Variants in IQSEC1 observed in about 807,000 individuals in gnomAD.
IQSEC1 encodes the protein IQ motif and Sec7 domain ArfGEF 1.
IQSEC1 carries 31 observed loss-of-function variants against 91.0 expected under a neutral mutation model. The ratio of observed to expected loss-of-function variants is 0.34; its 90% CI spans 0.26 to 0.46. The LOEUF (loss-of-function observed/expected upper bound fraction) is 0.46. Ranked by LOEUF, IQSEC1 falls within the 20% of genes least tolerant of loss-of-function variation. IQSEC1 has a pLI of 1.00. For synonymous variants in IQSEC1, 699 were observed against 662.6 expected, an observed-to-expected ratio of 1.05 and a Z score of -0.84; for missense variants, 1,388 against 1,575.6, an observed-to-expected ratio of 0.88 and a Z score of 2.02.
intron 1 of IQSEC1, among the ~76,000 whole-genome samples, chr3:13,039,866 A>G (rs1167562295): frequency 6.6e-6 from 1 of 152,230 alleles, no homozygotes; most frequent in Non-Finnish European, 1.5e-5. Flanking sequence ...AGCTGGCAGC[A>G]TGCAGCCTCC....
chr3:13,030,287 G>A (rs1002101056), intron 1 of IQSEC1, among the ~76,000 whole-genome samples: 4 of 152,130 alleles, frequency 2.6e-5, no homozygotes, highest in African/African-American at 4.8e-5. Flanking sequence ...AATAGAGATG[G>A]AGTTTTGCCA....
At position 12,966,989 on chromosome 3, in the gene IQSEC1, C is replaced by T. The variant is rs920727752; in HGVS notation, c.24-25124G>A. The stretch of plus-strand genomic sequence containing the variant: ...GCTGGGCACCCTCCCACCAACTCTC[C>T]GCTCTCCCTCCTGCCCCTCACCTCA... On this transcript the variant is annotated intron_variant, in intron 1 of 13. Coordinates refer to ENST00000613206, the MANE Select transcript of IQSEC1 (RefSeq NM_001134382.3). 4.6e-5 allele frequency among the ~76,000 whole-genome samples: 7 copies of T among 152,222 alleles called. No homozygotes were observed. The South Asian group carries it at 8.3e-4, about 18-fold the overall frequency.
intron 1 of IQSEC1, among the ~76,000 whole-genome samples, chr3:13,019,238 C>G (rs1385083945): frequency 6.6e-6 from 1 of 152,234 alleles, no homozygotes; most frequent in African/African-American, 2.4e-5. Flanking sequence ...CTCTCAGAGT[C>G]CTCGGGCCAA....
At chr3:13,183,724 T>G (rs573034903) in intron 1 of IQSEC1, among the ~76,000 whole-genome samples, 1 of 152,172 alleles carries the variant, frequency 6.6e-6, no homozygotes, top group Non-Finnish European at 1.5e-5. Context: ...AATTCTTGTG[T>G]TTTGTTTGTT....
At chr3:12,955,581 C>G (rs1212311159) in intron 1 of IQSEC1, among the ~76,000 whole-genome samples, 1 of 152,230 alleles carries the variant, frequency 6.6e-6, no homozygotes, top group African/African-American at 2.4e-5. Flanking sequence ...GAGGATCTCA[C>G]CCCACATGCT....
At chr3:13,186,803 T>G (rs746842544) in intron 1 of IQSEC1, among the ~76,000 whole-genome samples, 87 of 152,102 alleles carry the variant, frequency 5.7e-4, no homozygotes, top group Admixed American at 2.2e-3. Context: ...CCAGGCTCCG[T>G]CAGGGACTCA....
At chr3:12,955,881 G>A (rs1699871678) in intron 1 of IQSEC1, among the ~76,000 whole-genome samples, 1 of 151,856 alleles carries the variant, frequency 6.6e-6, no homozygotes, top group Non-Finnish European at 1.5e-5. Flanking sequence ...GATAGATTCT[G>A]TGTGGGGGGT....
intron 1 of IQSEC1, among the ~76,000 whole-genome samples, chr3:13,042,633 G>A (rs1344615006): frequency 6.6e-6 from 1 of 152,226 alleles, no homozygotes; most frequent in Non-Finnish European, 1.5e-5. Context: ...GTGCCTCCGA[G>A]GGCTTCCCTG....
At position 13,259,321 on chromosome 3, in the gene IQSEC1, T is replaced by C. The variant is rs1459692262; in HGVS notation, c.272+23390A>G. Among the ~76,000 whole-genome samples the C allele has an allele frequency of 6.6e-6, 1 of 152,182 alleles. No individual in the cohort carries two copies. Among genetic ancestry groups the C allele is most frequent in the Non-Finnish European group, 1.5e-5 (1 of 68,032 alleles). On this transcript the variant is annotated intron_variant, in intron 1 of 15. Transcript: ENST00000648114. The surrounding 1 kb of genome is among the most constrained non-coding windows in gnomAD (Gnocchi z 4.6). Reference sequence around the variant, plus strand: ...TGCACTGCACAGATGTTATCATCTGTATTCTCTAAGTGCAGAAACCAAGGC... The same window carrying C: ...TGCACTGCACAGATGTTATCATCTGCATTCTCTAAGTGCAGAAACCAAGGC...
intron 1 of IQSEC1, among the ~76,000 whole-genome samples, chr3:13,180,022 G>A (rs1277879741): frequency 2.0e-5 from 3 of 152,192 alleles, no homozygotes; most frequent in Non-Finnish European, 1.5e-5. Flanking sequence ...CTCCTGTGAG[G>A]CCTGAGCCTC....
chr3:13,075,490 C>T (rs1705548471), upstream of IQSEC1, among the ~76,000 whole-genome samples: 1 of 152,200 alleles, frequency 6.6e-6, no homozygotes, highest in South Asian at 2.1e-4. Context: ...GAATTGGATG[C>T]CTTGAGTGTG....
intron 1 of IQSEC1, among the ~76,000 whole-genome samples, chr3:13,245,200 G>A (rs1322812109): frequency 1.3e-5 from 2 of 152,118 alleles, no homozygotes; most frequent in African/African-American, 4.8e-5. Context: ...CTGGACTAGC[G>A]AAGCCATGAA....
chr3:12,901,021 T>A lies in IQSEC1; in HGVS notation c.3307A>T (p.Ser1103Cys). 1 of 1,537,220 alleles carries A rather than the reference T, an allele frequency of 6.5e-7. No homozygotes were observed. The highest frequency in any genetic ancestry group is 1.2e-5 in the South Asian group (1 of 83,734). The change falls in exon 14 of 14, where the codon AGC becomes TGC. Residue 1103 changes from serine (S) to cysteine (C), a missense_variant. Physicochemically the swap from Ser to Cys is moderately radical, Grantham distance 112. This residue lies in a region of IQSEC1 where 329 missense variants were observed against 257.8 expected (regional missense o/e 1.28). Coordinates refer to ENST00000613206, the MANE Select transcript of IQSEC1 (RefSeq NM_001134382.3). ...CTGATGCCGCTGGGTTTGGCCTTGC[T>A]GCTGGTGGGGGGCGGCGGGGCAGGG... ...QPPAPPPPTS[S>C]KAKPSGISTI...
chr3:13,192,224 G>A (rs1403198562), intron 1 of IQSEC1, among the ~76,000 whole-genome samples: 1 of 151,950 alleles, frequency 6.6e-6, no homozygotes, highest in Non-Finnish European at 1.5e-5. Flanking sequence ...TGTAGTCCCA[G>A]CTACTCAGGA....
chr3:13,233,724 T>C (rs2125092179), intron 1 of IQSEC1, among the ~76,000 whole-genome samples: 1 of 152,314 alleles, frequency 6.6e-6, no homozygotes, highest in Middle Eastern at 3.4e-3. Context: ...CACAGATTCC[T>C]GGTTGGCTCC....
Position 12,908,460 on chromosome 3 carries a change from C to T in IQSEC1, c.2644G>A (p.Glu882Lys), listed in dbSNP as rs765493111. Residue 882 changes from glutamate (E) to lysine (K), a missense_variant, in exon 12 of 14, where the codon GAG (glutamate) becomes AAG (lysine). Coordinates refer to ENST00000613206, the MANE Select transcript of IQSEC1 (RefSeq NM_001134382.3). This position sits in a 1 kb window ranked among gnomAD's most constrained non-coding sequence, Gnocchi z 4.9. Reference protein sequence around the residue: ...SMSQCSSLKKESGNGTLSRAC... With the variant: ...SMSQCSSLKKKSGNGTLSRAC... Reference sequence around the variant, plus strand: ...CGGCTCAGTGTTCCGTTGCCCGACTCCTTTTTGAGGCTAGAGCACTGGGAC... The same window carrying T: ...CGGCTCAGTGTTCCGTTGCCCGACTTCTTTTTGAGGCTAGAGCACTGGGAC... The T allele has an allele frequency of 6.2e-7, 1 of 1,613,650 alleles. No homozygotes were observed. The highest frequency in any genetic ancestry group is 2.2e-5 in the East Asian group (1 of 44,884).
chr3:12,974,050 G>T (rs1221842788), intron 1 of IQSEC1, among the ~76,000 whole-genome samples: 1 of 152,216 alleles, frequency 6.6e-6, no homozygotes, highest in Non-Finnish European at 1.5e-5. Context: ...GGACTCACCT[G>T]CTGAGGATGC....
chr3:13,096,357 C>A (rs115910999), intron 2 of IQSEC1, among the ~76,000 whole-genome samples: 2 of 152,198 alleles, frequency 1.3e-5, no homozygotes, highest in Admixed American at 1.3e-4. Context: ...GTTGTGAGAA[C>A]CATCCATTCA....
intron 1 of IQSEC1, among the ~76,000 whole-genome samples, chr3:13,070,260 TC>T (rs1194018495): frequency 2.0e-5 from 3 of 152,224 alleles, no homozygotes; most frequent in Non-Finnish European, 2.9e-5. Context: ...GTGACCCCAG[TC>T]AAGTTCCTTC....
Sources: gnomAD v4.1 joint callset for allele counts (sites outside exome capture counted in the v4.1 genomes callset) on GRCh38, gnomAD v4.1.1 for gene constraint, gnomAD v4.1.1 regional missense constraint, Gnocchi (gnomAD v3.1) non-coding constraint, MANE v1.5 for transcripts, NCBI Gene and HGNC (gene_info 2026-07-23, HGNC 2026-07-21) for gene names.